Variants in STEAP3 observed in about 807,000 individuals in gnomAD.
STEAP3 encodes the protein metalloreductase STEAP3.
A neutral mutation model predicts 34.9 loss-of-function variants in STEAP3; 35 were observed. The ratio of observed to expected loss-of-function variants is 1.00; its 90% CI spans 0.76 to 1.33. The LOEUF is 1.33. Among genes scored for constraint, STEAP3 ranks in the 40% most tolerant of loss-of-function variants. The pLI, the probability that STEAP3 is intolerant of heterozygous loss-of-function variation, is 0.00. For missense variants in STEAP3, 652 were observed against 667.6 expected (o/e 0.98, Z 0.26); for synonymous variants, 281 against 301.6 (o/e 0.93, Z 0.71).
intron 1 of STEAP3, among the ~76,000 whole-genome samples, chr2:119,229,305 G>C (rs1281922051): frequency 6.6e-6 from 1 of 152,156 alleles, no homozygotes; most frequent in Non-Finnish European, 1.5e-5. Context: ...ACCACACCCA[G>C]CTAATTTTTG....
chr2:119,226,564 G>C (rs1323383942), intron 1 of STEAP3, among the ~76,000 whole-genome samples: 1 of 152,114 alleles, frequency 6.6e-6, no homozygotes, highest in African/African-American at 2.4e-5. Context: ...ACAGAACTTG[G>C]AGAGGAGAGG....
chr2:119,243,846 T>A (rs960193902), intron 2 of STEAP3, among the ~76,000 whole-genome samples: 1 of 152,134 alleles, frequency 6.6e-6, no homozygotes, highest in African/African-American at 2.4e-5. Context: ...TTTATGTCAG[T>A]CCCTGGATCC....
intron 5 of STEAP3, chr2:119,257,672 G>A: frequency 7.0e-7 from 1 of 1,424,380 alleles, no homozygotes; most frequent in Non-Finnish European, 9.2e-7. Context: ...GCCAACAGTG[G>A]CATGCTGGCT....
At position 119,245,355 on chromosome 2, in the gene STEAP3, C is replaced by T. The variant is rs531752319; in HGVS notation, c.23-134C>T. 7.3e-5 allele frequency: 95 copies of T among 1,309,306 alleles called. 1 individual carries two copies. The highest frequency in any genetic ancestry group is 7.1e-4 in the Admixed American group (31 of 43,800). 81.1% of individuals were successfully genotyped at this position (1,309,306 alleles called of 1,614,324 possible). A position where few individuals can be genotyped will look rare whatever the true frequency, so the allele number is the denominator to read the frequency against. ...TCAGCTTGTTCCCCTGGTGCTGACA[C>T]GTGGTAGCACTCGGTGAACACCTGC... is the stretch of plus-strand genomic sequence containing the variant. On this transcript the variant is annotated intron_variant, in intron 2 of 5. Coordinates refer to ENST00000393110, the MANE Select transcript of STEAP3 (RefSeq NM_182915.3).
intron 1 of STEAP3, among the ~76,000 whole-genome samples, chr2:119,226,585 G>A (rs957046121): frequency 2.6e-5 from 4 of 152,036 alleles, no homozygotes; most frequent in Admixed American, 6.6e-5. Flanking sequence ...GGCAGGGATC[G>A]GGGTTGGAGA....
rs771247185 is a variant in STEAP3, at chr2:119,247,887, A to T, written c.731A>T (p.Asp244Val). The T allele has an allele frequency of 6.2e-7, 1 of 1,613,770 alleles. No homozygotes were observed. Among genetic ancestry groups the T allele is most frequent in the Non-Finnish European group, 8.5e-7 (1 of 1,179,970 alleles). The stretch of plus-strand genomic sequence containing the variant: ...TTCTATGCCTACAACTTCGTCCGGG[A>T]CGTTCTGCAGCCCTATGTGCAGGAA... Reference protein sequence around the residue: ...VCFYAYNFVRDVLQPYVQESQ... With the variant: ...VCFYAYNFVRVVLQPYVQESQ... The change falls in exon 4 of 6, where the codon GAC becomes GTC. Residue 244 changes from aspartate to valine, a missense_variant. Asp to Val is a radical substitution (Grantham distance 152). Coordinates refer to ENST00000393110, the MANE Select transcript of STEAP3 (RefSeq NM_182915.3).
Position 119,248,123 on chromosome 2 carries a change from G to A in STEAP3, c.967G>A (p.Ala323Thr), listed in dbSNP as rs141920354. 2.2e-5 allele frequency: 36 copies of A among 1,608,478 alleles called. No homozygotes were observed. The highest frequency in any genetic ancestry group is 1.8e-4 in the Admixed American group (11 of 59,984). Residue 323 changes from alanine to threonine, a missense_variant, in exon 4 of 6, where the codon GCC becomes ACC. Ala to Thr is a moderately conservative substitution (Grantham distance 58). Coordinates refer to ENST00000393110, the MANE Select transcript of STEAP3 (RefSeq NM_182915.3). Reference sequence around the variant, plus strand: ...GATCGGGCTGCTCAGCTTCTTCTGCGCCGCCCTGCACGCCCTCTACAGCTT... The same window carrying A: ...GATCGGGCTGCTCAGCTTCTTCTGCACCGCCCTGCACGCCCTCTACAGCTT... ...KQIGLLSFFCAALHALYSFCL... is the reference protein window; with the variant it reads ...KQIGLLSFFCTALHALYSFCL...
chr2:119,262,940 C>A, intron 5 of STEAP3, 117 bp from the exon 6 acceptor site: 3 of 1,374,304 alleles, frequency 2.2e-6, no homozygotes, highest in Non-Finnish European at 2.0e-6. Context: ...CAACCCATAG[C>A]GGTGAGTACT....
chr2:119,249,692 AC>A (rs1249918688), intron 4 of STEAP3, among the ~76,000 whole-genome samples: 1 of 152,022 alleles, frequency 6.6e-6, no homozygotes, highest in Non-Finnish European at 1.5e-5. Flanking sequence ...CCTCCTGAGA[AC>A]CACAGACCTC....
At chr2:119,262,347 C>T (rs1677966204) in intron 5 of STEAP3, among the ~76,000 whole-genome samples, 1 of 151,936 alleles carries the variant, frequency 6.6e-6, no homozygotes, top group South Asian at 2.1e-4. Context: ...CACACACACA[C>T]ACACACACAT....
intron 1 of STEAP3, among the ~76,000 whole-genome samples, chr2:119,227,088 T>C (rs1679063628): frequency 6.6e-6 from 1 of 152,156 alleles, no homozygotes; most frequent in Non-Finnish European, 1.5e-5. Context: ...AGGATGAGTG[T>C]TGTTGTCATC....
chr2:119,227,683 T>A (rs1679084044), intron 1 of STEAP3, among the ~76,000 whole-genome samples: 1 of 152,092 alleles, frequency 6.6e-6, no homozygotes, highest in Non-Finnish European at 1.5e-5. Context: ...ATAAAGAGAT[T>A]TGGGGTCGGT....
chr2:119,258,911 C>T (rs146043902), intron 5 of STEAP3, among the ~76,000 whole-genome samples: 7,006 of 116,116 alleles, frequency 0.06, 209 homozygotes, highest in Non-Finnish European at 0.067. Flanking sequence ...CGTGAGCCAC[C>T]GCACCCAGCC....
chr2:119,262,946 G>A lies in STEAP3; in HGVS notation c.1216-111G>A. On this transcript the variant is annotated intron_variant, in intron 5 of 5. Coordinates refer to ENST00000393110, the MANE Select transcript of STEAP3 (RefSeq NM_182915.3). ...CTGGGGTTCCAACCCATAGCGGTGAGTACTAAAGCCACCCTCCTTCCCCTC... is the reference window on the plus strand; with the variant it reads ...CTGGGGTTCCAACCCATAGCGGTGAATACTAAAGCCACCCTCCTTCCCCTC... 3 of 1,459,130 alleles carry A rather than the reference G, an allele frequency of 2.1e-6. 1 individual carries two copies. The highest frequency in any genetic ancestry group is 4.9e-4 in the Middle Eastern group (2 of 4,052). 90.4% of individuals were successfully genotyped at this position (1,459,130 alleles called of 1,614,324 possible). A position where few individuals can be genotyped will look rare whatever the true frequency, so the allele number is the denominator to read the frequency against.
chr2:119,252,799 T>A (rs1322806175), intron 4 of STEAP3, among the ~76,000 whole-genome samples: 1 of 152,156 alleles, frequency 6.6e-6, no homozygotes, highest in Admixed American at 6.5e-5. Flanking sequence ...CACTGCTCCC[T>A]AGCCCACCTC....
intron 5 of STEAP3, chr2:119,257,392 G>A: frequency 7.1e-7 from 1 of 1,402,740 alleles, no homozygotes; most frequent in South Asian, 1.7e-5. Context: ...CTCAGATGCT[G>A]AGGGATGGCT....
At chr2:119,225,377 A>G (rs1465556999) in intron 1 of STEAP3, among the ~76,000 whole-genome samples, 1 of 152,198 alleles carries the variant, frequency 6.6e-6, no homozygotes, top group Admixed American at 6.5e-5. Flanking sequence ...GGCAGCAGGT[A>G]TGGAAGTGAC....
chr2:119,231,745 C>G (rs752370742), intron 2 of STEAP3, among the ~76,000 whole-genome samples: 27 of 151,882 alleles, frequency 1.8e-4, no homozygotes, highest in Non-Finnish European at 2.1e-4. Flanking sequence ...TTAATGATGT[C>G]TAAATAATGA....
chr2:119,241,367 A>G (rs572973615), intron 2 of STEAP3, among the ~76,000 whole-genome samples: 1 of 152,294 alleles, frequency 6.6e-6, no homozygotes, highest in South Asian at 2.1e-4. Context: ...CTCCGTCCCT[A>G]CATCAGAAAG....
Sources: allele counts gnomAD v4.1 joint callset (sites outside exome capture counted in the v4.1 genomes callset), GRCh38; gene constraint gnomAD v4.1.1; transcripts MANE v1.5; gene names NCBI Gene and HGNC (gene_info 2026-07-23, HGNC 2026-07-21).